Variants in NTM observed in about 807,000 individuals in gnomAD.
The protein encoded by NTM is IgLON family member 2.
Under a neutral mutation model 42.1 loss-of-function variants are expected in NTM, and 13 were observed. That is an observed-to-expected ratio of 0.31 (90% confidence interval 0.20 to 0.49). The LOEUF is 0.49. Among genes scored for constraint, NTM ranks in the 20% least tolerant of loss-of-function variants. The pLI is 0.99. For missense variants in NTM, 373 were observed against 452.8 expected, an observed-to-expected ratio of 0.82 and a Z score of 1.60; for synonymous variants, 187 against 179.2, an observed-to-expected ratio of 1.04 and a Z score of -0.35.
At chr11:132,239,355 C>G (rs1362373607) in intron 4 of NTM, among the ~76,000 whole-genome samples, 1 of 152,188 alleles carries the variant, frequency 6.6e-6, no homozygotes, top group African/African-American at 2.4e-5. Context: ...CTCTGCACAG[C>G]CTAAATGAAT....
intron 4 of NTM, among the ~76,000 whole-genome samples, chr11:132,227,721 T>A (rs2086615734): frequency 6.6e-6 from 1 of 152,154 alleles, no homozygotes; most frequent in Admixed American, 6.5e-5. Flanking sequence ...CTCTGGGAAT[T>A]TGGAACAAAA....
intron 1 of NTM, among the ~76,000 whole-genome samples, chr11:131,462,949 A>T (rs1260293620): frequency 1.0e-4 from 15 of 148,828 alleles, no homozygotes; most frequent in Non-Finnish European, 1.5e-4. Context: ...TTATCTACTC[A>T]TGAAAAAAAA....
At chr11:131,755,076 C>A (rs1195544662) in intron 1 of NTM, among the ~76,000 whole-genome samples, 2 of 152,188 alleles carry the variant, frequency 1.3e-5, no homozygotes, top group African/African-American at 4.8e-5. Context: ...CATGAGGTAA[C>A]TTTCTGGGAC....
chr11:131,666,329 C>A (rs746659830), intron 1 of NTM, among the ~76,000 whole-genome samples: 2 of 152,162 alleles, frequency 1.3e-5, no homozygotes, highest in African/African-American at 4.8e-5. Context: ...CTTATAATTG[C>A]CAGAGGGTTC....
Position 131,651,434 on chromosome 11 carries a change from T to A in NTM, c.83-260130T>A, listed in dbSNP as rs2066462943. On this transcript the variant is annotated intron_variant, in intron 1 of 8. Transcript: ENST00000683400. The stretch of plus-strand genomic sequence containing the variant: ...TTCCATAGTAAACTTTAAGCAAGAT[T>A]CCCTGGCAGATGCTGTGGAATAAAG... Among the ~76,000 whole-genome samples the A allele has an allele frequency of 3.9e-5, 6 of 152,312 alleles. No individual in the cohort carries two copies. In the South Asian group the frequency reaches 1.0e-3, roughly 26 times the overall value.
chr11:131,647,410 A>C (rs1263448440), intron 1 of NTM, among the ~76,000 whole-genome samples: 6 of 152,304 alleles, frequency 3.9e-5, no homozygotes, highest in Admixed American at 2.6e-4. Context: ...GCAGCCCTAC[A>C]CTGCCTGTGG....
intron 1 of NTM, among the ~76,000 whole-genome samples, chr11:131,624,757 G>A (rs1195275453): frequency 6.6e-6 from 1 of 152,204 alleles, no homozygotes; most frequent in Non-Finnish European, 1.5e-5. Context: ...TGCACAGGGC[G>A]AGTCCCTCTA....
At chr11:132,145,792 C>A (rs1050188694) in intron 2 of NTM, among the ~76,000 whole-genome samples, 1 of 152,168 alleles carries the variant, frequency 6.6e-6, no homozygotes, top group Non-Finnish European at 1.5e-5. Context: ...GGTCTCTGAT[C>A]TAACACATAA....
chr11:131,764,155 A>T (rs1196835464), intron 1 of NTM, among the ~76,000 whole-genome samples: 1 of 152,110 alleles, frequency 6.6e-6, no homozygotes, highest in Non-Finnish European at 1.5e-5. Flanking sequence ...CAACATTACC[A>T]CTTGCTTTTT....
chr11:132,297,839 C>G (rs1036781296), intron 4 of NTM, among the ~76,000 whole-genome samples: 4 of 152,114 alleles, frequency 2.6e-5, no homozygotes, highest in Non-Finnish European at 5.9e-5. Flanking sequence ...TTTCAGAGAG[C>G]TGTAGAATCT....
chr11:132,049,344 C>A (rs1387410047), intron 2 of NTM, among the ~76,000 whole-genome samples: 3 of 152,168 alleles, frequency 2.0e-5, no homozygotes, highest in Non-Finnish European at 4.4e-5. Flanking sequence ...AAGGCAAGGG[C>A]ACATTCCCCC....
At chr11:132,111,124 A>G (rs2063140305) in intron 2 of NTM, among the ~76,000 whole-genome samples, 1 of 141,686 alleles carries the variant, frequency 7.1e-6, no homozygotes, top group South Asian at 2.3e-4. Context: ...ACAGAGAGAA[A>G]GAAAACTATG....
chr11:131,394,857 T>C (rs542848206), intron 1 of NTM, among the ~76,000 whole-genome samples: 4 of 152,302 alleles, frequency 2.6e-5, no homozygotes, highest in African/African-American at 9.6e-5. Context: ...GGGGTGTCAA[T>C]GGTGCACTAA....
chr11:132,127,307 G>A (rs943196689), intron 2 of NTM, among the ~76,000 whole-genome samples: 1 of 152,208 alleles, frequency 6.6e-6, no homozygotes, highest in Non-Finnish European at 1.5e-5. Context: ...CCTGATAAGC[G>A]AGTCAGAATG....
At chr11:131,375,013 A>C (rs1941767721) in intron 1 of NTM, among the ~76,000 whole-genome samples, 2 of 152,248 alleles carry the variant, frequency 1.3e-5, no homozygotes, top group African/African-American at 4.8e-5. Flanking sequence ...CAAACAAAAA[A>C]CCCACATTGC....
chr11:131,596,630 C>G (rs1052064448), intron 1 of NTM, among the ~76,000 whole-genome samples: 2 of 152,204 alleles, frequency 1.3e-5, no homozygotes, highest in Non-Finnish European at 2.9e-5. Flanking sequence ...TCTGCGGGAG[C>G]AGAAAGCATG....
At chr11:131,689,182 G>A (rs1018544725) in intron 1 of NTM, among the ~76,000 whole-genome samples, 2 of 152,196 alleles carry the variant, frequency 1.3e-5, no homozygotes, top group African/African-American at 4.8e-5. Context: ...CCCTTCTCCT[G>A]GGAGCCAGTG....
chr11:132,180,971 A>G (rs1310861637), intron 3 of NTM, among the ~76,000 whole-genome samples: 1 of 152,224 alleles, frequency 6.6e-6, no homozygotes, highest in African/African-American at 2.4e-5. Context: ...TGTAAAGTCA[A>G]TAAATTTAGG....
intron 2 of NTM, among the ~76,000 whole-genome samples, chr11:132,100,116 G>C (rs756956469): frequency 9.9e-5 from 15 of 152,174 alleles, no homozygotes; most frequent in Non-Finnish European, 1.9e-4. Flanking sequence ...CACTATGAGA[G>C]ACCTTTTTAC....
Sources: gnomAD v4.1 joint callset for allele counts (sites outside exome capture counted in the v4.1 genomes callset) on GRCh38, gnomAD v4.1.1 for gene constraint, MANE v1.5 for transcripts, NCBI Gene and HGNC (gene_info 2026-07-23, HGNC 2026-07-21) for gene names.